The following CACNA2D3 variants were observed in gnomAD, a reference collection of about 807,000 sequenced individuals.
The protein encoded by CACNA2D3 is calcium voltage-gated channel auxiliary subunit alpha2delta 3.
Under a neutral mutation model 160.6 loss-of-function variants are expected in CACNA2D3, and 60 were observed. That is an observed-to-expected ratio of 0.37 (90% CI 0.30 to 0.46). The LOEUF (loss-of-function observed/expected upper bound fraction) is 0.46. Ranked by LOEUF, CACNA2D3 falls within the 20% of genes least tolerant of loss-of-function variation. The pLI is 1.00. For missense variants in CACNA2D3, 1,205 were observed against 1,365.0 expected (o/e 0.88, Z 1.85); for synonymous variants, 558 against 492.9 (o/e 1.13, Z -1.75).
chr3:54,967,019 C>T (rs1430610440), intron 27 of CACNA2D3: 2 of 152,164 alleles, frequency 1.3e-5, no homozygotes, highest in Non-Finnish European at 2.9e-5. Flanking sequence ...GGCTGTGGTC[C>T]AGAGAACGAA....
At chr3:54,315,662 T>C (rs1703843406) in intron 2 of CACNA2D3, among the ~76,000 whole-genome samples, 1 of 152,132 alleles carries the variant, frequency 6.6e-6, no homozygotes, top group Non-Finnish European at 1.5e-5. Context: ...GTGCCTCAGC[T>C]CTCCACCTGC....
chr3:54,810,385 C>T (rs1448773229), intron 13 of CACNA2D3, among the ~76,000 whole-genome samples: 2 of 152,186 alleles, frequency 1.3e-5, no homozygotes, highest in Admixed American at 6.5e-5. Flanking sequence ...TCAGAGACCC[C>T]TTGGCATAGG....
intron 9 of CACNA2D3, among the ~76,000 whole-genome samples, chr3:54,626,850 G>T (rs1443772612): frequency 6.6e-6 from 1 of 152,176 alleles, no homozygotes; most frequent in African/African-American, 2.4e-5. Flanking sequence ...CTGTTCCTGG[G>T]CATGAGCCTG....
At chr3:54,589,900 A>T (rs1168230294) in intron 9 of CACNA2D3, among the ~76,000 whole-genome samples, 1 of 152,188 alleles carries the variant, frequency 6.6e-6, no homozygotes, top group Non-Finnish European at 1.5e-5. Context: ...AAAGAATAAA[A>T]ACAGCAAATA....
At chr3:54,786,859 C>T (rs1281814328) in intron 13 of CACNA2D3, among the ~76,000 whole-genome samples, 1 of 152,158 alleles carries the variant, frequency 6.6e-6, no homozygotes, top group Non-Finnish European at 1.5e-5. Flanking sequence ...GCATGTGGCT[C>T]ACATGCCCAA....
intron 29 of CACNA2D3, among the ~76,000 whole-genome samples, chr3:54,972,832 A>G (rs1256804377): frequency 6.6e-6 from 1 of 152,140 alleles, no homozygotes; most frequent in Non-Finnish European, 1.5e-5. Flanking sequence ...ACCCAGGGTG[A>G]ATGTTAACTT....
chr3:54,445,584 A>ACACACACACT (rs1317908930), intron 4 of CACNA2D3, among the ~76,000 whole-genome samples: 1 of 151,380 alleles, frequency 6.6e-6, no homozygotes, highest in African/African-American at 2.4e-5. Flanking sequence ...ACACACACAC[A>ACACACACACT]CACACTCATG....
rs572877796 is a variant in CACNA2D3, at chr3:54,941,549, C to T, written c.2450-26901C>T. Among the ~76,000 whole-genome samples, 460 of 152,262 alleles carry T rather than the reference C, an allele frequency of 3.0e-3. 1 individual carries two copies. Among genetic ancestry groups the T allele is most frequent in the Non-Finnish European group, 5.2e-3 (351 of 68,030 alleles). ...TATGTGGGTGAGCAGTAAATAAAAT[C>T]TTAACGACATTTGGGTTTTTCAATA... On this transcript the variant is annotated intron_variant, in intron 27 of 37. Coordinates refer to ENST00000474759, the MANE Select transcript of CACNA2D3 (RefSeq NM_018398.3).
chr3:54,994,855 C>G (rs971289864), intron 31 of CACNA2D3, among the ~76,000 whole-genome samples: 1 of 152,194 alleles, frequency 6.6e-6, no homozygotes, highest in Non-Finnish European at 1.5e-5. Flanking sequence ...CTCCTGATAA[C>G]CATTCATGTC....
At chr3:54,509,735 C>T (rs1487658508) in intron 5 of CACNA2D3, among the ~76,000 whole-genome samples, 1 of 152,158 alleles carries the variant, frequency 6.6e-6, no homozygotes, top group African/African-American at 2.4e-5. Flanking sequence ...GATAGTGCCA[C>T]TGAAGTAACT....
chr3:54,180,100 C>CTTTTTTTTTTTTTTTTTTTTTCCT, intron 2 of CACNA2D3, among the ~76,000 whole-genome samples: 1 of 127,814 alleles, frequency 7.8e-6, no homozygotes, highest in South Asian at 2.6e-4. Flanking sequence ...TGTCTTTTGC[C>CTTTTTTTTTTTTTTTTTTTTTCCT]TTTTTTTTTT....
intron 4 of CACNA2D3, among the ~76,000 whole-genome samples, chr3:54,495,242 T>G (rs1029441356): frequency 2.0e-5 from 3 of 152,102 alleles, no homozygotes; most frequent in African/African-American, 7.3e-5. Context: ...AATTTTGCTT[T>G]AAAAAATGGT....
chr3:54,868,622 C>A (rs996374514), intron 17 of CACNA2D3, among the ~76,000 whole-genome samples: 1 of 152,096 alleles, frequency 6.6e-6, no homozygotes, highest in South Asian at 2.1e-4. Flanking sequence ...GGTTCTTTAG[C>A]GCAGGTATGA....
At chr3:54,141,094 C>CGCGCGCGCACACACACGT (rs768348036) in intron 2 of CACNA2D3, among the ~76,000 whole-genome samples, 3 of 81,892 alleles carry the variant, frequency 3.7e-5, no homozygotes, top group African/African-American at 1.1e-4. Flanking sequence ...TGTGCGCGCG[C>CGCGCGCGCACACACACGT]GCGCGTGTGT....
intron 4 of CACNA2D3, among the ~76,000 whole-genome samples, chr3:54,438,772 G>C (rs190400469): frequency 1.3e-5 from 2 of 152,278 alleles, no homozygotes; most frequent in Admixed American, 6.5e-5. Flanking sequence ...CATTAAGGGA[G>C]GCACTAATAG....
chr3:54,349,316 C>T (rs1271948356), intron 3 of CACNA2D3, among the ~76,000 whole-genome samples: 3 of 152,144 alleles, frequency 2.0e-5, no homozygotes, highest in Non-Finnish European at 4.4e-5. Context: ...CCTGGCCTGG[C>T]CTCCTGCAAC....
chr3:54,618,073 T>G (rs1698894176), intron 9 of CACNA2D3, among the ~76,000 whole-genome samples: 1 of 151,920 alleles, frequency 6.6e-6, no homozygotes, highest in Non-Finnish European at 1.5e-5. Context: ...TAAGATCTAG[T>G]GTTTACTGAG....
intron 3 of CACNA2D3, among the ~76,000 whole-genome samples, chr3:54,363,327 A>T (rs1698776637): frequency 6.6e-6 from 1 of 152,160 alleles, no homozygotes; most frequent in African/African-American, 2.4e-5. Context: ...CTGGCCCTTA[A>T]CCAGTTATAG....
rs530836693 is a variant in CACNA2D3, at chr3:54,973,137, G to A, written c.2556+3293G>A. ...GATGATATTGAAGACAATTCCTGAA[G>A]CCTGAGAAGAGCTTTGCAAGCAGAG... On this transcript the variant is annotated intron_variant, in intron 29 of 37. Coordinates refer to ENST00000474759, the MANE Select transcript of CACNA2D3 (RefSeq NM_018398.3). 1.7e-3 allele frequency among the ~76,000 whole-genome samples: 257 copies of A among 152,176 alleles called. No homozygotes were observed. In the Middle Eastern group the frequency reaches 0.034, roughly 20 times the overall value.
Sources: gnomAD v4.1 joint callset for allele counts (sites outside exome capture counted in the v4.1 genomes callset) on GRCh38, gnomAD v4.1.1 for gene constraint, MANE v1.5 for transcripts, NCBI Gene and HGNC (gene_info 2026-07-23, HGNC 2026-07-21) for gene names.